The following FAM3B variants were observed in gnomAD, a reference collection of about 807,000 sequenced individuals.
FAM3B encodes FAM3 metabolism regulating signaling molecule B.
A neutral mutation model predicts 28.4 loss-of-function variants in FAM3B; 29 were observed. That is an observed-to-expected ratio of 1.02 (90% CI 0.76 to 1.39). FAM3B has a LOEUF of 1.39. FAM3B is among the 40% of genes most tolerant of loss of function. FAM3B has a pLI of 0.00. For missense variants in FAM3B, 266 were observed against 293.9 expected (o/e 0.91, Z 0.69); for synonymous variants, 91 against 103.0 (o/e 0.88, Z 0.71).
At chr21:41,328,342 C>T (rs913029525) in intron 2 of FAM3B, among the ~76,000 whole-genome samples, 5 of 152,024 alleles carry the variant, frequency 3.3e-5, no homozygotes, top group African/African-American at 4.8e-5. Context: ...TGTTTTCAGG[C>T]GAATACCTAG....
chr21:41,305,376 A>C (rs1192062104), intron 1 of FAM3B, among the ~76,000 whole-genome samples: 1 of 152,194 alleles, frequency 6.6e-6, no homozygotes, highest in Non-Finnish European at 1.5e-5. Flanking sequence ...TCACTTAGGA[A>C]TCCCATGGAT....
At chr21:41,306,385 C>T (rs918433754) in intron 1 of FAM3B, among the ~76,000 whole-genome samples, 1 of 152,226 alleles carries the variant, frequency 6.6e-6, no homozygotes, top group Non-Finnish European at 1.5e-5. Context: ...AGAAGGTTTT[C>T]AATTGACTTT....
chr21:41,356,350 T>C (rs903247621), intron 7 of FAM3B, among the ~76,000 whole-genome samples: 2 of 152,200 alleles, frequency 1.3e-5, no homozygotes, highest in Non-Finnish European at 1.5e-5. Flanking sequence ...TAGCATAGCA[T>C]ACCTTAAACA....
At chr21:41,338,314 C>T in intron 2 of FAM3B, 64 bp from the exon 3 acceptor site, 1 of 1,589,104 alleles carries the variant, frequency 6.3e-7, no homozygotes, top group Non-Finnish European at 8.6e-7. Flanking sequence ...CTCCGCCAAG[C>T]AGCAGGTGCA....
Position 41,337,077 on chromosome 21 carries a change from G to C in FAM3B, c.164-1301G>C, listed in dbSNP as rs142253485. Among the ~76,000 whole-genome samples, 1,447 of 152,184 alleles carry C rather than the reference G, an allele frequency of 9.5e-3. 9 individuals are homozygous for C. Among genetic ancestry groups the C allele is most frequent in the Non-Finnish European group, 0.013 (854 of 68,000 alleles). ...CTTCCATTTTGTTCATTGTTTCCTG[G>C]TTGTTTTGTAGGTCCTTCTTTCCTT... On this transcript the variant is annotated intron_variant, in intron 2 of 7. Transcript: ENST00000357985.
rs1042722252 is a variant in FAM3B, at chr21:41,348,866, G to A, written c.618+142G>A. ...TTTCCATGAGATCAGCATTAGATCC[G>A]GACAGAAGTTTCAAACTTCTCCAAT... On this transcript the variant is annotated intron_variant, in intron 7 of 7. Transcript: ENST00000357985. 51 of 918,186 alleles carry A rather than the reference G, an allele frequency of 5.6e-5. 1 individual carries two copies. The highest frequency in any genetic ancestry group is 5.4e-4 in the African/African-American group (32 of 59,740). 56.9% of individuals were successfully genotyped at this position (918,186 alleles called of 1,614,324 possible).
At chr21:41,354,370 A>G (rs1043867608) in intron 7 of FAM3B, among the ~76,000 whole-genome samples, 1 of 152,274 alleles carries the variant, frequency 6.6e-6, no homozygotes, top group Admixed American at 6.5e-5. Context: ...TTATAAAGAC[A>G]CGTACTCACA....
At position 41,348,595 on chromosome 21, in the gene FAM3B, GA is replaced by G. The variant is rs755075200; in HGVS notation, c.491del (p.Asn164IlefsTer8). ...VTYDDGSTRL[N>X]NDAKNAIEAL... is the part of the protein sequence containing the mutation. Reference sequence around the variant, plus strand: ...TGCTTTTCCCTTTGTCCTGCAGACTGAATAACGATGCCAAGAATGCCATAGA... The same window carrying G: ...TGCTTTTCCCTTTGTCCTGCAGACTGATAACGATGCCAAGAATGCCATAGA... On this transcript the variant is annotated frameshift_variant, in exon 7 of 8. Coordinates refer to ENST00000357985, the MANE Select transcript of FAM3B (RefSeq NM_058186.4). LOFTEE classifies it high-confidence loss of function. 5.2e-5 allele frequency: 84 copies of G among 1,614,078 alleles called. No homozygotes were observed. The highest frequency in any genetic ancestry group is 6.5e-5 in the Non-Finnish European group (77 of 1,180,052).
At chr21:41,310,755 A>G (rs2123684429) in intron 1 of FAM3B, among the ~76,000 whole-genome samples, 1 of 152,248 alleles carries the variant, frequency 6.6e-6, no homozygotes, top group African/African-American at 2.4e-5. Context: ...CTGATTCTGG[A>G]TAACATCACC....
At chr21:41,347,749 CAA>C (rs60227162) in intron 6 of FAM3B, among the ~76,000 whole-genome samples, 23 of 85,682 alleles carry the variant, frequency 2.7e-4, no homozygotes, top group Admixed American at 6.8e-4. Context: ...GAGACTGTCT[CAA>C]AAAAAAAAAA....
chr21:41,315,709 T>C (rs371408025), upstream of FAM3B, among the ~76,000 whole-genome samples: 2 of 152,052 alleles, frequency 1.3e-5, no homozygotes, highest in African/African-American at 4.8e-5. Context: ...TCCCTCTGGT[T>C]TGGGGAGACT....
At chr21:41,324,471 G>A (rs898300362) in intron 2 of FAM3B, among the ~76,000 whole-genome samples, 8 of 152,192 alleles carry the variant, frequency 5.3e-5, no homozygotes, top group Middle Eastern at 3.2e-3. Flanking sequence ...CAAGGAAAAC[G>A]AGGTCCTTGT....
intron 1 of FAM3B, among the ~76,000 whole-genome samples, chr21:41,322,267 G>A (rs766692103): frequency 6.6e-5 from 10 of 152,176 alleles, no homozygotes; most frequent in Non-Finnish European, 1.3e-4. Context: ...TCAAACAAGA[G>A]AAGTAAGATA....
At chr21:41,345,535 C>T in intron 4 of FAM3B, 151 bp from the exon 5 acceptor site, 1 of 542,770 alleles carries the variant, frequency 1.8e-6, no homozygotes, top group Non-Finnish European at 3.3e-6. Flanking sequence ...CCTCAAGGGG[C>T]CCGCCCTGTC....
intron 2 of FAM3B, among the ~76,000 whole-genome samples, chr21:41,336,413 T>C (rs1175951002): frequency 6.6e-6 from 1 of 152,068 alleles, no homozygotes; most frequent in Non-Finnish European, 1.5e-5. Flanking sequence ...TCCCAGCTAC[T>C]TGGGAGGGTG....
At chr21:41,333,644 G>A (rs2145812235) in intron 2 of FAM3B, among the ~76,000 whole-genome samples, 2 of 152,326 alleles carry the variant, frequency 1.3e-5, no homozygotes, top group African/African-American at 4.8e-5. Context: ...CCCAGTCTCA[G>A]ATATTTCTTT....
In FAM3B at chr21:41,311,254, ATATATATATATATATATATATAT is replaced by A. The variant is rs2088711561; in HGVS notation, n.99+6945_99+6967del. Among the ~76,000 whole-genome samples the A allele has an allele frequency of 1.2e-3, 33 of 28,238 alleles. 1 individual carries two copies. Among genetic ancestry groups the A allele is most frequent in the Non-Finnish European group, 1.7e-3 (29 of 17,434 alleles). The allele number at this position is 28,238 out of a possible 152,430, so 18.5% of individuals were successfully genotyped here. ...GTCTCTACAAAAAAAAAAAAAAAAT[ATATATATATATATATATATATAT>A]ATATATATATATATATATATGTATA... On this transcript the variant is annotated intron_variant and non_coding_transcript_variant, in intron 1 of 9. Transcript: ENST00000479810.
intron 2 of FAM3B, among the ~76,000 whole-genome samples, chr21:41,336,482 A>G (rs550474810): frequency 7.9e-5 from 12 of 152,322 alleles, no homozygotes; most frequent in South Asian, 6.2e-4. Context: ...AGATCACACC[A>G]CTACACTCCA....
chr21:41,330,714 A>G (rs2088898693), intron 2 of FAM3B, among the ~76,000 whole-genome samples: 1 of 152,164 alleles, frequency 6.6e-6, no homozygotes, highest in African/African-American at 2.4e-5. Context: ...TGGGTGCGTT[A>G]TTTCTGTTAG....
Sources: allele counts gnomAD v4.1 joint callset (sites outside exome capture counted in the v4.1 genomes callset), GRCh38; gene constraint gnomAD v4.1.1; transcripts MANE v1.5; gene names NCBI Gene and HGNC (gene_info 2026-07-23, HGNC 2026-07-21).